Variants in STAC observed in about 807,000 individuals in gnomAD.
STAC encodes the protein SH3 and cysteine-rich domain-containing protein.
In STAC, 43 loss-of-function variants were observed where a neutral mutation model predicts 48.8. The ratio of observed to expected loss-of-function variants is 0.88; its 90% CI spans 0.69 to 1.14. The LOEUF (loss-of-function observed/expected upper bound fraction) is 1.14, where lower values mean the gene tolerates loss of function less well. STAC is among the 50% of genes most tolerant of loss of function. The pLI, the probability that STAC is intolerant of heterozygous loss-of-function variation, is 0.00. For synonymous variants in STAC, 193 were observed against 179.5 expected (o/e 1.07, Z -0.60); for missense variants, 497 against 504.0 (o/e 0.99, Z 0.13).
chr3:36,497,491 C>A (rs1698178797), intron 6 of STAC, among the ~76,000 whole-genome samples: 1 of 152,178 alleles, frequency 6.6e-6, no homozygotes, highest in Non-Finnish European at 1.5e-5. Flanking sequence ...ATGCACATCC[C>A]TAGAGCCTTA....
chr3:36,484,440 G>A (rs1697744699), intron 3 of STAC, among the ~76,000 whole-genome samples: 1 of 152,156 alleles, frequency 6.6e-6, no homozygotes, highest in Non-Finnish European at 1.5e-5. Flanking sequence ...CTCCAGTGGT[G>A]ATTCCCATAA....
intron 1 of STAC, among the ~76,000 whole-genome samples, chr3:36,386,616 T>G (rs771945093): frequency 1.3e-5 from 2 of 152,060 alleles, no homozygotes; most frequent in Admixed American, 6.6e-5. Flanking sequence ...TCATTTGGAA[T>G]TGCTTTTTTG....
intron 1 of STAC, among the ~76,000 whole-genome samples, chr3:36,398,050 A>G (rs1304513552): frequency 6.6e-6 from 1 of 152,106 alleles, no homozygotes; most frequent in Admixed American, 6.5e-5. Flanking sequence ...CTGGCTCTCA[A>G]TTGGACCTTC....
At chr3:36,459,325 T>C (rs1273058921) in intron 2 of STAC, 1 of 152,206 alleles carries the variant, frequency 6.6e-6, no homozygotes, top group African/African-American at 2.4e-5. Context: ...ACAATAGTTC[T>C]ACCTCAGGAG....
intron 1 of STAC, among the ~76,000 whole-genome samples, chr3:36,396,939 C>T (rs1369001205): frequency 6.6e-6 from 1 of 152,136 alleles, no homozygotes; most frequent in East Asian, 1.9e-4. Context: ...CTATCCCTCT[C>T]TCTAGTCTAC....
chr3:36,537,505 G>A (rs1227294489), intron 10 of STAC, among the ~76,000 whole-genome samples: 3 of 152,126 alleles, frequency 2.0e-5, no homozygotes, highest in Non-Finnish European at 4.4e-5. Context: ...AGAACACATG[G>A]ACACAGGGAG....
intron 3 of STAC, among the ~76,000 whole-genome samples, chr3:36,483,467 T>C (rs574594165): frequency 1.2e-4 from 18 of 152,280 alleles, no homozygotes; most frequent in African/African-American, 4.1e-4. Context: ...ACTCTAGTGC[T>C]TCCTTGGTGG....
intron 2 of STAC, among the ~76,000 whole-genome samples, chr3:36,453,527 G>A (rs1321097317): frequency 6.6e-6 from 1 of 152,226 alleles, no homozygotes; most frequent in Non-Finnish European, 1.5e-5. Context: ...CGGGGCCTTA[G>A]CTGCCTTCCC....
intron 1 of STAC, among the ~76,000 whole-genome samples, chr3:36,406,292 A>C (rs1700087171): frequency 1.3e-5 from 2 of 152,192 alleles, no homozygotes; most frequent in African/African-American, 4.8e-5. Flanking sequence ...GGAAAGTGAG[A>C]ATGGGCTAAG....
chr3:36,492,034 ATATATATATATATAT>A (rs1697997740), intron 5 of STAC, among the ~76,000 whole-genome samples: 9 of 34,426 alleles, frequency 2.6e-4, no homozygotes, highest in African/African-American at 7.9e-4. Context: ...AAAAAAAAAT[ATATATATATATATAT>A]ATATATATAT....
chr3:36,431,057 T>C (rs1575193876), intron 1 of STAC, among the ~76,000 whole-genome samples: 1 of 152,210 alleles, frequency 6.6e-6, no homozygotes, highest in Non-Finnish European at 1.5e-5. Context: ...ACTTGATAAA[T>C]GAAACCTAGC....
chr3:36,403,860 T>C (rs1700044309), intron 1 of STAC, among the ~76,000 whole-genome samples: 1 of 152,174 alleles, frequency 6.6e-6, no homozygotes, highest in Non-Finnish European at 1.5e-5. Context: ...GTCATTTGAA[T>C]GACTCTGAAA....
At chr3:36,496,387 G>A (rs945284714) in intron 6 of STAC, among the ~76,000 whole-genome samples, 1 of 152,176 alleles carries the variant, frequency 6.6e-6, no homozygotes, top group Non-Finnish European at 1.5e-5. Context: ...CTCATGCAAG[G>A]AGGGTGTTGC....
intron 2 of STAC, among the ~76,000 whole-genome samples, chr3:36,455,916 A>C (rs1418851187): frequency 6.6e-6 from 1 of 152,232 alleles, no homozygotes; most frequent in Non-Finnish European, 1.5e-5. Context: ...AGCAAGTATC[A>C]TTCTATCACA....
chr3:36,524,280 C>A (rs1371345495), intron 8 of STAC, among the ~76,000 whole-genome samples: 4 of 152,026 alleles, frequency 2.6e-5, no homozygotes, highest in Admixed American at 6.6e-5. Flanking sequence ...AAAACTGGGT[C>A]AAGACTAATT....
intron 2 of STAC, among the ~76,000 whole-genome samples, chr3:36,476,399 CT>C (rs1697495091): frequency 6.6e-6 from 1 of 152,190 alleles, no homozygotes; most frequent in Non-Finnish European, 1.5e-5. Context: ...GAAAGTAAGA[CT>C]GTTTACCAGT....
chr3:36,412,034 C>G (rs1257060362), intron 1 of STAC, among the ~76,000 whole-genome samples: 1 of 152,056 alleles, frequency 6.6e-6, no homozygotes, highest in Admixed American at 6.5e-5. Flanking sequence ...CTAAAAGTAA[C>G]AGACAGAAAA....
chr3:36,467,050 T>C (rs1284939146), intron 2 of STAC, among the ~76,000 whole-genome samples: 3 of 152,134 alleles, frequency 2.0e-5, no homozygotes, highest in African/African-American at 7.2e-5. Flanking sequence ...GTTTTAATCA[T>C]AAAGTGATGC....
At chr3:36,427,707 G>A (rs1392704171) in intron 1 of STAC, among the ~76,000 whole-genome samples, 4 of 152,170 alleles carry the variant, frequency 2.6e-5, no homozygotes, top group African/African-American at 9.7e-5. Context: ...AGAGACAGAA[G>A]TTAATAGAGC....
Sources: allele counts gnomAD v4.1 joint callset (sites outside exome capture counted in the v4.1 genomes callset), GRCh38; gene constraint gnomAD v4.1.1; transcripts MANE v1.5; gene names NCBI Gene and HGNC (gene_info 2026-07-23, HGNC 2026-07-21).